The following C1orf185 variants were observed in gnomAD, a reference collection of about 807,000 sequenced individuals.
C1orf185 encodes the protein uncharacterized protein C1orf185.
Under a neutral mutation model 16.1 loss-of-function variants are expected in C1orf185, and 13 were observed. That is an observed-to-expected ratio of 0.81 (90% CI 0.53 to 1.28). C1orf185 has a LOEUF of 1.28. Ranked by LOEUF, C1orf185 falls within the 50% of genes most tolerant of loss-of-function variation. C1orf185 has a pLI of 0.00. For synonymous variants in C1orf185, 80 were observed against 76.9 expected (o/e 1.04, Z -0.21); for missense variants, 220 against 225.2 (o/e 0.98, Z 0.15).
rs1646307953 is a variant in C1orf185 at position 51,134,490 on chromosome 1, A to T, written c.259-11234A>T. Among the ~76,000 whole-genome samples the T allele has an allele frequency of 3.3e-5, 5 of 150,216 alleles. No homozygotes were observed. In the Admixed American group the frequency reaches 3.3e-4, roughly 10 times the overall value. On this transcript the variant is annotated intron_variant, in intron 3 of 4. Coordinates refer to ENST00000371759, the MANE Select transcript of C1orf185 (RefSeq NM_001136508.2). ...CAGAAGACAAGAAAGAACCAAAATC[A>T]GAGCTGAACTGAAGGAGAATGAGAC...
chr1:51,151,351 G>T (rs7546037), downstream of C1orf185, among the ~76,000 whole-genome samples: 4 of 152,080 alleles, frequency 2.6e-5, no homozygotes, highest in Non-Finnish European at 5.9e-5. Context: ...TATATCTTAC[G>T]CAATTGTAAG....
At chr1:51,128,207 G>T (rs1338381441) in intron 3 of C1orf185, among the ~76,000 whole-genome samples, 3 of 151,834 alleles carry the variant, frequency 2.0e-5, no homozygotes, top group African/African-American at 7.3e-5. Context: ...CATTTTTCAT[G>T]GGAAAGTACC....
At chr1:51,112,691 GT>G in intron 2 of C1orf185, 122 bp downstream of exon 2, 1 of 888,248 alleles carries the variant, frequency 1.1e-6, no homozygotes, top group Non-Finnish European at 1.6e-6. Flanking sequence ...TTGGGATTTG[GT>G]TATAGACCCT....
chr1:51,138,858 T>A (rs1254040960), intron 3 of C1orf185, among the ~76,000 whole-genome samples: 1 of 152,056 alleles, frequency 6.6e-6, no homozygotes, highest in Non-Finnish European at 1.5e-5. Flanking sequence ...CAGCTAATTT[T>A]TGTATTTTTA....
chr1:51,122,367 T>C (rs1312685473), intron 3 of C1orf185, among the ~76,000 whole-genome samples: 1 of 152,166 alleles, frequency 6.6e-6, no homozygotes, highest in Admixed American at 6.6e-5. Flanking sequence ...TCTTCAACAA[T>C]CTTGGCATTT....
chr1:51,122,098 C>T (rs551139305), intron 3 of C1orf185, among the ~76,000 whole-genome samples: 1 of 152,240 alleles, frequency 6.6e-6, no homozygotes, highest in Admixed American at 6.5e-5. Context: ...TGTATGTAGC[C>T]ATAGTTCATT....
At chr1:51,113,338 A>T (rs1646136507) in intron 2 of C1orf185, among the ~76,000 whole-genome samples, 2 of 151,854 alleles carry the variant, frequency 1.3e-5, no homozygotes, top group Non-Finnish European at 2.9e-5. Flanking sequence ...ATTCCTTTCA[A>T]CTGTAAAATT....
intron 1 of C1orf185, among the ~76,000 whole-genome samples, chr1:51,107,910 C>T (rs1324617629): frequency 6.6e-6 from 1 of 152,152 alleles, no homozygotes; most frequent in Non-Finnish European, 1.5e-5. Context: ...GGCATTTGGA[C>T]AGTTTCCAAT....
downstream of C1orf185, among the ~76,000 whole-genome samples, chr1:51,148,745 A>G (rs1038248324): frequency 1.3e-5 from 2 of 151,992 alleles, no homozygotes; most frequent in Non-Finnish European, 2.9e-5. Context: ...TGGACAACAT[A>G]GTGAGACCCA....
intron 3 of C1orf185, among the ~76,000 whole-genome samples, chr1:51,143,050 C>G (rs1489461827): frequency 6.6e-6 from 1 of 152,144 alleles, no homozygotes; most frequent in Non-Finnish European, 1.5e-5. Flanking sequence ...AGATGTGAGC[C>G]ACCGTGCCCA....
rs1646177592 is a variant in C1orf185, at chr1:51,118,845, T to C, written c.258+44T>C. ...TAGTAATCTTTTCAAATAATTTCTT[T>C]TGATACCATGTTATTAGCATTGCTG... On this transcript the variant is annotated intron_variant, in intron 3 of 4. Coordinates refer to ENST00000371759, the MANE Select transcript of C1orf185 (RefSeq NM_001136508.2). The C allele has an allele frequency of 5.4e-6, 7 of 1,286,578 alleles. No homozygotes were observed. The South Asian group carries it at 6.3e-5, about 12-fold the overall frequency. The allele number at this position is 1,286,578 out of a possible 1,614,324, so 79.7% of individuals were successfully genotyped here.
chr1:51,146,679 T>C (rs1208009916), intron 4 of C1orf185, among the ~76,000 whole-genome samples: 1 of 152,120 alleles, frequency 6.6e-6, no homozygotes, highest in Non-Finnish European at 1.5e-5. Flanking sequence ...TAAAATCTAT[T>C]TTGTATCTGA....
rs1345838180 is a variant in C1orf185, at chr1:51,124,077, G to GT, written c.258+5279dup. On this transcript the variant is annotated intron_variant, in intron 3 of 4. Coordinates refer to ENST00000371759, the MANE Select transcript of C1orf185 (RefSeq NM_001136508.2). ...TTGTATCTCTTGGTATTTCACTGTA[G>GT]TTTGTTTTTTTTTTTTTTTTTTTTG... 2.6e-3 allele frequency among the ~76,000 whole-genome samples: 355 copies of GT among 136,992 alleles called. 1 individual carries two copies. The highest frequency in any genetic ancestry group is 3.7e-3 in the Non-Finnish European group (238 of 63,948). 89.9% of individuals were successfully genotyped at this position (136,992 alleles called of 152,430 possible). A position where few individuals can be genotyped will look rare whatever the true frequency, so the allele number is the denominator to read the frequency against.
chr1:51,106,369 ATC>A (rs762309933), intron 1 of C1orf185, among the ~76,000 whole-genome samples: 29 of 151,714 alleles, frequency 1.9e-4, no homozygotes, highest in Non-Finnish European at 2.9e-4. Context: ...CTCTCTCCCT[ATC>A]TCTCTTTTTT....
chr1:51,132,937 C>G (rs994513428), intron 3 of C1orf185, among the ~76,000 whole-genome samples: 2 of 152,094 alleles, frequency 1.3e-5, no homozygotes, highest in African/African-American at 4.8e-5. Context: ...AATTCCAACC[C>G]AGAATTTCAT....
intron 3 of C1orf185, among the ~76,000 whole-genome samples, chr1:51,142,369 C>T (rs137934916): frequency 1.2e-4 from 19 of 152,312 alleles, no homozygotes; most frequent in African/African-American, 4.6e-4. Flanking sequence ...TAATAGGTGG[C>T]TCCTCAATTT....
intron 3 of C1orf185, chr1:51,129,682 G>T (rs1419989749): frequency 6.6e-6 from 1 of 152,368 alleles, no homozygotes; most frequent in Admixed American, 6.5e-5. Context: ...TGAAGGCTGA[G>T]AAGTCCAAGA....
intron 3 of C1orf185, among the ~76,000 whole-genome samples, chr1:51,121,566 A>T (rs72892480): frequency 0.044 from 6,720 of 152,196 alleles, 404 homozygotes; most frequent in African/African-American, 0.14. Flanking sequence ...ACCTCAGCCA[A>T]TTTCAGTACA....
intron 3 of C1orf185, among the ~76,000 whole-genome samples, chr1:51,126,547 C>T (rs1208462756): frequency 6.6e-6 from 1 of 152,216 alleles, no homozygotes; most frequent in Non-Finnish European, 1.5e-5. Context: ...GTATGAGCCA[C>T]TGCACCCAAC....
Sources: gnomAD v4.1 joint callset for allele counts (sites outside exome capture counted in the v4.1 genomes callset) on GRCh38, gnomAD v4.1.1 for gene constraint, MANE v1.5 for transcripts, NCBI Gene and HGNC (gene_info 2026-07-23, HGNC 2026-07-21) for gene names.